The following USP28 variants were observed in gnomAD, a reference collection of about 807,000 sequenced individuals.
USP28 encodes ubiquitin specific peptidase 28.
In USP28, 113 loss-of-function variants were observed where a neutral mutation model predicts 145.0. The observed-to-expected ratio is 0.78, with a 90% CI of 0.67 to 0.91. The LOEUF (loss-of-function observed/expected upper bound fraction) is 0.91. USP28 is among the 40% of genes least tolerant of loss of function. The pLI is 0.00. For missense variants in USP28, 1,201 were observed against 1,289.6 expected (o/e 0.93, Z 1.05); for synonymous variants, 447 against 450.9 (o/e 0.99, Z 0.11).
intron 23 of USP28, 150 bp from the exon 25 acceptor site, chr11:113,801,828 C>G (rs948016039): frequency 1.8e-6 from 1 of 551,648 alleles, no homozygotes; most frequent in Middle Eastern, 5.2e-4. Context: ...GTTCCCACTT[C>G]TGATAAGCTG....
At chr11:113,810,039 A>C (rs1270762383) in intron 16 of USP28, among the ~76,000 whole-genome samples, 1 of 151,122 alleles carries the variant, frequency 6.6e-6, no homozygotes, top group Non-Finnish European at 1.5e-5. Flanking sequence ...CATCTCAAAA[A>C]AAAAAAAAAA....
intron 15 of USP28, among the ~76,000 whole-genome samples, 178 bp from the exon 16 acceptor site, chr11:113,812,682 G>A (rs1254823268): frequency 6.6e-6 from 1 of 152,182 alleles, no homozygotes; most frequent in Non-Finnish European, 1.5e-5. Flanking sequence ...TTATGTCTCA[G>A]TTCCAAAACC....
intron 12 of USP28, 40 bp from the exon 13 acceptor site, chr11:113,817,877 G>GT (rs750722469): frequency 6.3e-7 from 1 of 1,597,160 alleles, no homozygotes; most frequent in African/African-American, 1.4e-5. Flanking sequence ...GCCCAAGGCT[G>GT]TTTTGTATTT....
intron 1 of USP28, among the ~76,000 whole-genome samples, chr11:113,862,245 G>C (rs1591477865): frequency 6.6e-6 from 1 of 152,310 alleles, no homozygotes; most frequent in African/African-American, 2.4e-5. Context: ...TACTTGGGAG[G>C]CTAAGGCAGG....
chr11:113,802,447 G>A (rs953999669), intron 23 of USP28, among the ~76,000 whole-genome samples: 1 of 152,202 alleles, frequency 6.6e-6, no homozygotes, highest in African/African-American at 2.4e-5. Context: ...CCTGACTTCT[G>A]TGAAGGGCAA....
intron 3 of USP28, among the ~76,000 whole-genome samples, chr11:113,848,789 AT>A (rs1433614593): frequency 6.6e-6 from 1 of 152,158 alleles, no homozygotes; most frequent in Non-Finnish European, 1.5e-5. Context: ...ATAATTAGAC[AT>A]GCTAAATGGG....
intron 3 of USP28, among the ~76,000 whole-genome samples, chr11:113,842,295 G>A (rs549222883): frequency 6.6e-6 from 1 of 151,838 alleles, no homozygotes; most frequent in African/African-American, 2.4e-5. Flanking sequence ...TACATATTAA[G>A]ACCAAGTTGG....
chr11:113,814,066 C>A, intron 14 of USP28, 111 bp from the exon 15 acceptor site: 2 of 767,444 alleles, frequency 2.6e-6, no homozygotes, highest in Non-Finnish European at 4.1e-6. Flanking sequence ...ATTTCAGCTT[C>A]CCTCTATGAA....
At chr11:113,867,837 GAA>G in intron 1 of USP28, among the ~76,000 whole-genome samples, 1 of 96,238 alleles carries the variant, frequency 1.0e-5, no homozygotes, top group African/African-American at 4.2e-5. Context: ...GAGGGAGGAA[GAA>G]AGGGAGGAAG....
At chr11:113,834,327 AAAG>A in exon 6 of USP28, 1 of 1,608,242 alleles carries the variant, frequency 6.2e-7, no homozygotes, top group Non-Finnish European at 8.5e-7. Flanking sequence ...CAGGCAATTG[AAAG>A]AGAGACTGAA....
intron 15 of USP28, 107 bp from the exon 16 acceptor site, chr11:113,812,611 A>T (rs1026368209): frequency 2.1e-6 from 2 of 956,602 alleles, no homozygotes; most frequent in Admixed American, 5.0e-5. Context: ...TGGGGTTCAT[A>T]TTAAAACATC....
chr11:113,829,556 C>T (rs1168337280), intron 9 of USP28: 2 of 564,600 alleles, frequency 3.5e-6, no homozygotes, highest in Non-Finnish European at 5.9e-6. Flanking sequence ...CCAGGGGCTT[C>T]GTGGCTTATG....
chr11:113,827,606 T>C (rs1943528277), intron 10 of USP28, among the ~76,000 whole-genome samples: 1 of 152,198 alleles, frequency 6.6e-6, no homozygotes, highest in South Asian at 2.1e-4. Context: ...GTCAACAGAA[T>C]TTTACTCAAC....
chr11:113,827,115 A>C (rs1423153354), intron 11 of USP28, 118 bp downstream of exon 11: 1 of 1,290,374 alleles, frequency 7.7e-7, no homozygotes, highest in Non-Finnish European at 1.1e-6. Flanking sequence ...GACTCATAGA[A>C]TCCAAATTTG....
At chr11:113,815,063 A>C (rs111933825) in intron 14 of USP28, 111 bp downstream of exon 14, 3 of 958,746 alleles carry the variant, frequency 3.1e-6, no homozygotes, top group East Asian at 2.6e-5. Context: ...GCGGGGGGGA[A>C]ATTCTGTAGC....
intron 12 of USP28, chr11:113,821,408 A>G (rs1942582150): frequency 4.4e-6 from 1 of 227,726 alleles, no homozygotes; most frequent in South Asian, 8.1e-5. Flanking sequence ...GATGCTCCAA[A>G]GCATTTATTC....
At chr11:113,815,096 G>C (rs1422443681) in intron 14 of USP28, 78 bp downstream of exon 14, 1 of 1,251,178 alleles carries the variant, frequency 8.0e-7, no homozygotes, top group African/African-American at 1.5e-5. Flanking sequence ...GTCAGGAAGT[G>C]TACCGAGGTG....
Position 113,854,386 on chromosome 11 carries a change from C to A in USP28, c.58-51G>T. The A allele has an allele frequency of 2.6e-6, 4 of 1,533,648 alleles. No homozygotes were observed. The South Asian group carries it at 4.5e-5, about 17-fold the overall frequency. On this transcript the variant is annotated intron_variant, in intron 1 of 24. Transcript: ENST00000003302. Reference sequence around the variant, plus strand: ...CAAACATGTCAGTCAGAAAGTAAACCTGGGTACATTTAAAGAATAACTAAA... The same window carrying A: ...CAAACATGTCAGTCAGAAAGTAAACATGGGTACATTTAAAGAATAACTAAA...
At chr11:113,839,302 T>G (rs1446834979) in intron 5 of USP28, among the ~76,000 whole-genome samples, 1 of 152,096 alleles carries the variant, frequency 6.6e-6, no homozygotes, top group African/African-American at 2.4e-5. Context: ...ACTGAACTGA[T>G]TGTGGGGCAT....
Sources: allele counts gnomAD v4.1 joint callset (sites outside exome capture counted in the v4.1 genomes callset), GRCh38; gene constraint gnomAD v4.1.1; transcripts MANE v1.5; gene names NCBI Gene and HGNC (gene_info 2026-07-23, HGNC 2026-07-21).